Variants in CDC20B observed in about 807,000 individuals in gnomAD.
The protein encoded by CDC20B is cell division cycle protein 20 homolog B.
Under a neutral mutation model 64.1 loss-of-function variants are expected in CDC20B, and 58 were observed. The observed-to-expected ratio is 0.90, with a 90% confidence interval of 0.73 to 1.13. The LOEUF is 1.13. Among genes scored for constraint, CDC20B ranks in the 50% most tolerant of loss-of-function variants. CDC20B has a pLI of 0.00. For synonymous variants in CDC20B, 243 were observed against 230.6 expected (o/e 1.05, Z -0.49); for missense variants, 597 against 633.0 (o/e 0.94, Z 0.61).
chr5:55,159,648 A>G (rs1743933298), intron 2 of CDC20B, among the ~76,000 whole-genome samples: 1 of 152,166 alleles, frequency 6.6e-6, no homozygotes, highest in African/African-American at 2.4e-5. Flanking sequence ...AATCAGGGTA[A>G]ATAGCCTTTT....
In CDC20B at chr5:55,119,933, A is replaced by G; in HGVS notation, c.1342-15T>C. On this transcript the variant is annotated splice_polypyrimidine_tract_variant and intron_variant, in intron 10 of 11. Transcript: ENST00000381375. ...AAGGAACAAATCTGTAATAATGATC[A>G]AAAATAGAGAATTCTTGCAATTTCT... 6.4e-7 allele frequency: 1 copy of G among 1,554,878 alleles called. No individual in the cohort carries two copies.
At chr5:55,162,962 T>C (rs1014228814) in intron 2 of CDC20B, among the ~76,000 whole-genome samples, 1 of 152,172 alleles carries the variant, frequency 6.6e-6, no homozygotes, top group Non-Finnish European at 1.5e-5. Context: ...ATTAGCCACG[T>C]GACCTTGTGT....
At chr5:55,140,642 A>G (rs977525740) in intron 4 of CDC20B, among the ~76,000 whole-genome samples, 2 of 152,244 alleles carry the variant, frequency 1.3e-5, no homozygotes, top group Admixed American at 1.3e-4. Flanking sequence ...ACAACTCCAT[A>G]GAGCAGGTAT....
In CDC20B at chr5:55,173,014, C is replaced by G; in HGVS notation, c.-14G>C. 6.2e-7 allele frequency: 1 copy of G among 1,607,764 alleles called. No individual in the cohort carries two copies. On this transcript the variant is annotated 5_prime_UTR_variant, in exon 1 of 12. Coordinates refer to ENST00000381375, the MANE Select transcript of CDC20B (RefSeq NM_001170402.1). ...TTTCCACTCCATCTCCGGCTGACTT[C>G]GCCCTGCCTGGCGTTTGGCCTCTCT...
intron 2 of CDC20B, among the ~76,000 whole-genome samples, chr5:55,162,679 T>G (rs1744143666): frequency 6.6e-6 from 1 of 152,256 alleles, no homozygotes; most frequent in Non-Finnish European, 1.5e-5. Flanking sequence ...CCTCTTATTT[T>G]GAAGGTCCAC....
At chr5:55,130,419 G>A (rs186004109) in intron 6 of CDC20B, among the ~76,000 whole-genome samples, 1 of 152,284 alleles carries the variant, frequency 6.6e-6, no homozygotes, top group African/African-American at 2.4e-5. Context: ...TGTAAGTAGA[G>A]TCAGGTCTTA....
intron 1 of CDC20B, 51 bp from the exon 2 acceptor site, chr5:55,172,701 T>C: frequency 7.1e-7 from 1 of 1,405,454 alleles, no homozygotes; most frequent in South Asian, 1.2e-5. Flanking sequence ...AGGAAAATCA[T>C]AATTTCAGGT....
At chr5:55,159,258 C>G (rs1306303853) in intron 2 of CDC20B, among the ~76,000 whole-genome samples, 1 of 152,160 alleles carries the variant, frequency 6.6e-6, no homozygotes, top group Non-Finnish European at 1.5e-5. Context: ...CTCAAGTGAT[C>G]CTCCCATCTA....
chr5:55,143,331 GA>G (rs1743380574), intron 4 of CDC20B, among the ~76,000 whole-genome samples, 181 bp downstream of exon 4: 1 of 151,980 alleles, frequency 6.6e-6, no homozygotes, highest in Non-Finnish European at 1.5e-5. Flanking sequence ...ATATTTGGGG[GA>G]TATCTTCTTT....
chr5:55,123,352 T>A (rs1742801784), intron 9 of CDC20B, among the ~76,000 whole-genome samples: 1 of 152,192 alleles, frequency 6.6e-6, no homozygotes, highest in African/African-American at 2.4e-5. Context: ...CCTGAGCCCA[T>A]GGGCCCCAGT....
chr5:55,120,536 A>G lies in CDC20B; in HGVS notation c.1230T>C (p.Cys410=), dbSNP rs1170128790. ...QSTAVKAMDW[C]PWQSGVLAIG... ...TGGCAAGGACCCCAGACTGCCAGGG[A>G]CACCAATCCATGGCCTTTAAAGTTT... The change falls in exon 10 of 12, where the codon TGT becomes TGC. Residue 410 remains cysteine (C), a synonymous_variant. Transcript: ENST00000381375. The G allele has an allele frequency of 3.1e-6, 5 of 1,613,532 alleles. No homozygotes were observed. Among genetic ancestry groups the G allele is most frequent in the Non-Finnish European group, 4.2e-6 (5 of 1,179,710 alleles).
At chr5:55,162,373 C>A (rs141419363) in intron 2 of CDC20B, among the ~76,000 whole-genome samples, 1 of 152,086 alleles carries the variant, frequency 6.6e-6, no homozygotes, top group Non-Finnish European at 1.5e-5. Context: ...CCAGCCTGGG[C>A]GACAGAGCAA....
intron 2 of CDC20B, among the ~76,000 whole-genome samples, chr5:55,156,003 C>T (rs1047053587): frequency 1.3e-5 from 2 of 152,198 alleles, no homozygotes; most frequent in Non-Finnish European, 2.9e-5. Context: ...TAAAGACATA[C>T]CTGAGGCTGG....
At chr5:55,149,653 A>G (rs1367477550) in intron 2 of CDC20B, among the ~76,000 whole-genome samples, 3 of 152,250 alleles carry the variant, frequency 2.0e-5, no homozygotes, top group African/African-American at 7.2e-5. Flanking sequence ...TAGTCAGCAC[A>G]GGAAAATCCA....
chr5:55,140,117 A>C (rs1364853729), intron 5 of CDC20B, among the ~76,000 whole-genome samples, 197 bp downstream of exon 5: 1 of 152,194 alleles, frequency 6.6e-6, no homozygotes, highest in Non-Finnish European at 1.5e-5. Context: ...GGAAGAACTA[A>C]AGGTGGTCAC....
chr5:55,136,764 G>C (rs1186050714), intron 5 of CDC20B: 1 of 152,128 alleles, frequency 6.6e-6, no homozygotes, highest in African/African-American at 2.4e-5. Flanking sequence ...TCTCTCAAGA[G>C]GATTCTCACA....
intron 2 of CDC20B, among the ~76,000 whole-genome samples, chr5:55,150,455 C>T (rs1743631494): frequency 6.6e-6 from 1 of 152,236 alleles, no homozygotes; most frequent in Non-Finnish European, 1.5e-5. Context: ...GCGAGGCCGG[C>T]TCTCTCTCCA....
At chr5:55,146,289 C>A (rs143593161) in intron 3 of CDC20B, among the ~76,000 whole-genome samples, 12 of 152,316 alleles carry the variant, frequency 7.9e-5, no homozygotes, top group African/African-American at 2.9e-4. Context: ...ATCAGGCCGG[C>A]TCCTACGCAC....
intron 8 of CDC20B, chr5:55,126,424 G>A (rs777211089): frequency 2.6e-4 from 52 of 199,516 alleles, no homozygotes; most frequent in South Asian, 4.7e-4. Context: ...CTGAGATCAC[G>A]CCACTGAACT....
Sources: allele counts gnomAD v4.1 joint callset (sites outside exome capture counted in the v4.1 genomes callset), GRCh38; gene constraint gnomAD v4.1.1; transcripts MANE v1.5; gene names NCBI Gene and HGNC (gene_info 2026-07-23, HGNC 2026-07-21).